The following ZNF333 variants were observed in gnomAD, a reference collection of about 807,000 sequenced individuals.
ZNF333 encodes zinc finger protein 333.
ZNF333 carries 61 observed loss-of-function variants against 76.1 expected under a neutral mutation model. That is an observed-to-expected ratio of 0.80 (90% confidence interval 0.65 to 0.99). The LOEUF (loss-of-function observed/expected upper bound fraction) is 0.99. Ranked by LOEUF, ZNF333 falls within the 50% of genes least tolerant of loss-of-function variation. The pLI is 0.00. For synonymous variants in ZNF333, 284 were observed against 305.0 expected, an observed-to-expected ratio of 0.93 and a Z score of 0.72; for missense variants, 717 against 822.4, an observed-to-expected ratio of 0.87 and a Z score of 1.57.
At chr19:14,695,488 T>G in intron 3 of ZNF333, 78 bp from the exon 4 acceptor site, 1 of 1,362,580 alleles carries the variant, frequency 7.3e-7, no homozygotes, top group Non-Finnish European at 1.0e-6. Flanking sequence ...TGAAGGAGAG[T>G]TTGAGTTGAG....
At chr19:14,701,521 A>G in intron 5 of ZNF333, 1 of 941,920 alleles carries the variant, frequency 1.1e-6, no homozygotes, top group Non-Finnish European at 1.3e-6. Context: ...AGGAATGGAT[A>G]AGGTGTTGCA....
At chr19:14,731,514 C>T in exon 12 of ZNF333, 1 of 331,412 alleles carries the variant, frequency 3.0e-6, no homozygotes, top group Non-Finnish European at 5.5e-6. Flanking sequence ...AGGGAAACTG[C>T]TCACAGTGGA....
rs964592967 is a variant in ZNF333, at chr19:14,717,558, A to G, written c.824-99A>G. 2.8e-5 allele frequency: 29 copies of G among 1,026,500 alleles called. No homozygotes were observed. The East Asian group carries it at 2.9e-4, about 10-fold the overall frequency. 63.6% of individuals were successfully genotyped at this position (1,026,500 alleles called of 1,614,324 possible). On this transcript the variant is annotated intron_variant, in intron 10 of 11. Transcript: ENST00000292530. ...CCCGTACATAGGACCAGTATTTGGG[A>G]AAAAAAGTCCACATGTGCCTTGCCT... is the stretch of plus-strand genomic sequence containing the variant.
chr19:14,694,952 C>T (rs536810865), intron 2 of ZNF333, 58 bp from the exon 3 acceptor site: 79 of 1,605,126 alleles, frequency 4.9e-5, no homozygotes, highest in South Asian at 9.9e-5. Context: ...GATAACCAGT[C>T]GTTCTGCTCA....
intron 10 of ZNF333, 131 bp from the exon 11 acceptor site, chr19:14,717,526 A>G (rs1046355595): frequency 1.1e-5 from 8 of 717,462 alleles, no homozygotes; most frequent in Admixed American, 5.1e-5. Context: ...TCTCATTGCA[A>G]TTTCTTCCCG....
Position 14,716,208 on chromosome 19 carries a change from C to G in ZNF333, c.697C>G (p.Leu233Val). ...GAGGAGCCTGTATAGAGATGTGATGCTGGAGAACTACAGGAACCTGGCCTC... is the reference window on the plus strand; with the variant it reads ...GAGGAGCCTGTATAGAGATGTGATGGTGGAGAACTACAGGAACCTGGCCTC... ...TQRSLYRDVM[L>V]ENYRNLASVA... Residue 233 changes from leucine to valine, a missense_variant, in exon 9 of 12, where the codon CTG (leucine) becomes GTG (valine). Coordinates refer to ENST00000292530, the MANE Select transcript of ZNF333 (RefSeq NM_032433.4). 1 of 1,613,934 alleles carries G rather than the reference C, an allele frequency of 6.2e-7. No homozygotes were observed. The highest frequency in any genetic ancestry group is 1.3e-5 in the African/African-American group (1 of 74,964).
At chr19:14,725,349 A>G (rs1450221905), downstream of ZNF333, among the ~76,000 whole-genome samples, 2 of 152,288 alleles carry the variant, frequency 1.3e-5, no homozygotes, top group East Asian at 3.9e-4. Context: ...GGAGGAGACA[A>G]ACATCTAAAC....
At position 14,706,730 on chromosome 19, in the gene ZNF333, G is replaced by T. The variant is rs757713986; in HGVS notation, c.468G>T (p.Val156=). 1 of 1,613,900 alleles carries T rather than the reference G, an allele frequency of 6.2e-7. No individual in the cohort carries two copies. ...AMQIQRVVIP[V]PTLGHRNPWV... is the part of the protein sequence containing the mutation. ...AGATTCAGAGGGTGGTGATACCAGT[G>T]CCTACTCTGGGCCACCGCAACCCAT... Residue 156 remains valine, a synonymous_variant, in exon 7 of 12, where the codon GTG becomes GTT. Coordinates refer to ENST00000292530, the MANE Select transcript of ZNF333 (RefSeq NM_032433.4).
intron 7 of ZNF333, among the ~76,000 whole-genome samples, chr19:14,714,163 A>C (rs2042356918): frequency 6.6e-6 from 1 of 150,908 alleles, no homozygotes; most frequent in Non-Finnish European, 1.5e-5. Flanking sequence ...AGCCCAAGGG[A>C]AAAGTGGGGT....
chr19:14,703,240 AACTC>A (rs1281440044), intron 5 of ZNF333, among the ~76,000 whole-genome samples: 1 of 151,168 alleles, frequency 6.6e-6, no homozygotes, highest in African/African-American at 2.4e-5. Context: ...ATCTTGTGAG[AACTC>A]ACTCACTATT....
intron 11 of ZNF333, among the ~76,000 whole-genome samples, chr19:14,728,707 G>T (rs1283462112): frequency 6.6e-6 from 1 of 152,212 alleles, no homozygotes; most frequent in South Asian, 2.1e-4. Context: ...CTTAGGTCAT[G>T]TTGAATATAA....
Position 14,710,757 on chromosome 19 carries a change from G to A in ZNF333, c.511+3984G>A, listed in dbSNP as rs529163412. ...TGCGCCACTGCACTCCAGCCTGGGC[G>A]ACAGAGTGAGATTTCCTTCTTAAAA... is the stretch of plus-strand genomic sequence containing the variant. On this transcript the variant is annotated intron_variant, in intron 7 of 11. Coordinates refer to ENST00000292530, the MANE Select transcript of ZNF333 (RefSeq NM_032433.4). Among the ~76,000 whole-genome samples the A allele has an allele frequency of 6.7e-4, 102 of 152,232 alleles. 1 individual carries two copies. The highest frequency in any genetic ancestry group is 8.8e-5 in the Non-Finnish European group (6 of 68,002).
intron 1 of ZNF333, among the ~76,000 whole-genome samples, chr19:14,692,616 G>A (rs1320810085): frequency 6.6e-6 from 1 of 152,054 alleles, no homozygotes; most frequent in Non-Finnish European, 1.5e-5. Flanking sequence ...GGGTTCCAGC[G>A]ATTTTCTGGC....
intron 9 of ZNF333, among the ~76,000 whole-genome samples, chr19:14,716,479 G>A (rs934326789): frequency 1.3e-5 from 2 of 151,938 alleles, no homozygotes; most frequent in Non-Finnish European, 2.9e-5. Flanking sequence ...GACTGGTCTC[G>A]AACTTCTGGG....
chr19:14,701,647 T>C, intron 5 of ZNF333: 1 of 985,426 alleles, frequency 1.0e-6, no homozygotes, highest in Non-Finnish European at 1.2e-6. Context: ...CGGTGCCCTC[T>C]TTGTTTCTGT....
chr19:14,710,556 T>A (rs1304004763), intron 7 of ZNF333, among the ~76,000 whole-genome samples: 5 of 152,134 alleles, frequency 3.3e-5, no homozygotes, highest in African/African-American at 1.2e-4. Context: ...GGTGGGTAGA[T>A]CACTTGAGGC....
In ZNF333 at chr19:14,700,042, C is replaced by T. The variant is rs1313171286; in HGVS notation, c.306+761C>T. On this transcript the variant is annotated intron_variant, in intron 5 of 11. Transcript: ENST00000292530. ...TTTTAAAAGACAGGGTCTTGCTCTGCCACACAGGCTGGAATGCAGTGGCAT... is the reference window on the plus strand; with the variant it reads ...TTTTAAAAGACAGGGTCTTGCTCTGTCACACAGGCTGGAATGCAGTGGCAT... Among the ~76,000 whole-genome samples the T allele has an allele frequency of 6.6e-5, 10 of 151,794 alleles. No individual in the cohort carries two copies. In the East Asian group the frequency reaches 1.9e-3, roughly 30 times the overall value.
chr19:14,724,735 C>T (rs1395406908), downstream of ZNF333, among the ~76,000 whole-genome samples: 3 of 152,200 alleles, frequency 2.0e-5, no homozygotes, highest in East Asian at 5.8e-4. Context: ...CATTGCACTC[C>T]AGCCTGGGCA....
rs1972919197 is a variant in ZNF333, at chr19:14,693,431, C to T, written c.-41-20C>T. The T allele has an allele frequency of 1.9e-6, 3 of 1,568,832 alleles. No homozygotes were observed. The South Asian group carries it at 3.4e-5, about 18-fold the overall frequency. ...TCCGTCCTCACCCCTTCTTTTACCT[C>T]AGTGTCTCCTTTATTGCAGGGAGAA... is the stretch of plus-strand genomic sequence containing the variant. On this transcript the variant is annotated intron_variant, in intron 1 of 11. Coordinates refer to ENST00000292530, the MANE Select transcript of ZNF333 (RefSeq NM_032433.4).
Sources: gnomAD v4.1 joint callset for allele counts (sites outside exome capture counted in the v4.1 genomes callset) on GRCh38, gnomAD v4.1.1 for gene constraint, MANE v1.5 for transcripts, NCBI Gene and HGNC (gene_info 2026-07-23, HGNC 2026-07-21) for gene names.